The following FSTL1 variants were observed in gnomAD, a reference collection of about 807,000 sequenced individuals.
FSTL1 encodes the protein follistatin like 1.
Under a neutral mutation model 45.9 loss-of-function variants are expected in FSTL1, and 24 were observed. The ratio of observed to expected loss-of-function variants is 0.52; its 90% CI spans 0.38 to 0.74. The LOEUF (loss-of-function observed/expected upper bound fraction) is 0.74, where lower values mean the gene tolerates loss of function less well. Ranked by LOEUF, FSTL1 falls within the 30% of genes least tolerant of loss-of-function variation. The pLI is 0.00. For missense variants in FSTL1, 340 were observed against 381.8 expected (o/e 0.89, Z 0.91); for synonymous variants, 120 against 137.6 (o/e 0.87, Z 0.89).
rs761742257 is a variant in FSTL1 at position 120,396,975 on chromosome 3, T to C, written c.904A>G (p.Arg302Gly). ...KHQETAEKTK[R>G]VSTKEI The stretch of plus-strand genomic sequence containing the variant: ...CATTAGATCTCTTTGGTGCTCACTC[T>C]CTTGGTCTTTTCAGCTGTTTCCTTT... The change falls in exon 11 of 11, where the codon AGA becomes GGA. Residue 302 changes from arginine (R) to glycine (G), a missense_variant. Arg to Gly is a moderately radical substitution (Grantham distance 125). Coordinates refer to ENST00000295633, the MANE Select transcript of FSTL1 (RefSeq NM_007085.5). 2.5e-6 allele frequency: 4 copies of C among 1,612,180 alleles called. No homozygotes were observed. In the South Asian group the frequency reaches 3.3e-5, roughly 13 times the overall value.
chr3:120,409,710 C>A (rs1436408431), intron 5 of FSTL1, 48 bp from the exon 6 acceptor site: 1 of 1,599,348 alleles, frequency 6.3e-7, no homozygotes, highest in Non-Finnish European at 8.6e-7. Flanking sequence ...GGGAGGACCC[C>A]AGTGATATCT....
intron 10 of FSTL1, among the ~76,000 whole-genome samples, chr3:120,397,618 C>T (rs993395338): frequency 3.2e-4 from 48 of 152,236 alleles, no homozygotes; most frequent in African/African-American, 8.4e-4. Flanking sequence ...ATAACAAAAC[C>T]GTTGGTGAGT....
intron 9 of FSTL1, among the ~76,000 whole-genome samples, chr3:120,402,361 T>C (rs1258660185): frequency 6.6e-6 from 1 of 152,208 alleles, no homozygotes; most frequent in East Asian, 1.9e-4. Context: ...GAAGAGAGCC[T>C]GGCACATGGT....
In FSTL1 at chr3:120,395,570, T is replaced by G. The variant is rs768477261; in HGVS notation, c.*1382A>C. ...CTCTTCCTGCTTTACCCATGAGGACTCCATATCATAGCACGACCTGTAGGG... is the reference window on the plus strand; with the variant it reads ...CTCTTCCTGCTTTACCCATGAGGACGCCATATCATAGCACGACCTGTAGGG... On this transcript the variant is annotated 3_prime_UTR_variant, in exon 11 of 11. Transcript: ENST00000295633. 6.2e-6 allele frequency: 3 copies of G among 481,560 alleles called. No individual in the cohort carries two copies. Among genetic ancestry groups the G allele is most frequent in the Non-Finnish European group, 1.3e-5 (3 of 232,778 alleles). The allele number at this position is 481,560 out of a possible 1,614,324, so 29.8% of individuals were successfully genotyped here. A position where few individuals can be genotyped will look rare whatever the true frequency, so the allele number is the denominator to read the frequency against.
At chr3:120,449,005 C>G (rs1283393010) in intron 2 of FSTL1, among the ~76,000 whole-genome samples, 1 of 152,226 alleles carries the variant, frequency 6.6e-6, no homozygotes, top group African/African-American at 2.4e-5. Flanking sequence ...TGGTCTGCAA[C>G]TGCCTTTTGA....
chr3:120,409,689 G>A (rs368972992), intron 5 of FSTL1, 27 bp from the exon 6 acceptor site: 1 of 1,612,212 alleles, frequency 6.2e-7, no homozygotes, highest in Non-Finnish European at 8.5e-7. Context: ...GATGTCAGCT[G>A]GAGCAGTCAG....
chr3:120,424,751 G>A (rs1189928482), intron 2 of FSTL1, among the ~76,000 whole-genome samples: 1 of 152,148 alleles, frequency 6.6e-6, no homozygotes, highest in Non-Finnish European at 1.5e-5. Context: ...AGTCTGGGGG[G>A]CTGCCAGATC....
At chr3:120,415,682 T>C (rs1255801547) in intron 3 of FSTL1, 1 of 427,320 alleles carries the variant, frequency 2.3e-6, no homozygotes, top group African/African-American at 2.0e-5. Context: ...CTATTTGACT[T>C]ATATAAAACA....
chr3:120,398,946 G>T (rs536426400), intron 10 of FSTL1, among the ~76,000 whole-genome samples: 6 of 152,120 alleles, frequency 3.9e-5, no homozygotes, highest in African/African-American at 1.4e-4. Context: ...TTAAACAACC[G>T]ACATGAGATT....
Position 120,445,410 on chromosome 3 carries a change from G to A in FSTL1, c.63+5274C>T, listed in dbSNP as rs1432358455. On this transcript the variant is annotated intron_variant, in intron 2 of 10. Coordinates refer to ENST00000295633, the MANE Select transcript of FSTL1 (RefSeq NM_007085.5). ...ACCTGGGCTAGACACCAAGAGAAGA[G>A]ACAGATTAAAAGATAGCCATCTTTG... is the stretch of plus-strand genomic sequence containing the variant. Among the ~76,000 whole-genome samples, 6 of 149,434 alleles carry A rather than the reference G, an allele frequency of 4.0e-5. 1 individual carries two copies. Among genetic ancestry groups the A allele is most frequent in the African/African-American group, 1.5e-4 (6 of 38,854 alleles).
At chr3:120,431,388 A>C (rs1937475542) in intron 2 of FSTL1, among the ~76,000 whole-genome samples, 1 of 152,232 alleles carries the variant, frequency 6.6e-6, no homozygotes, top group Non-Finnish European at 1.5e-5. Context: ...TAATATGGAG[A>C]TATTTTAGAC....
intron 8 of FSTL1, 92 bp downstream of exon 8, chr3:120,403,150 T>A: frequency 1.2e-6 from 1 of 804,616 alleles, no homozygotes; most frequent in East Asian, 2.4e-5. Flanking sequence ...TTTTCTCAGC[T>A]AGCTCTGGAG....
intron 2 of FSTL1, among the ~76,000 whole-genome samples, chr3:120,435,274 C>T (rs1051670809): frequency 2.0e-5 from 3 of 152,182 alleles, no homozygotes; most frequent in Admixed American, 6.5e-5. Flanking sequence ...TCATATACAT[C>T]TGCAGTGTTC....
chr3:120,404,067 C>T (rs1208612451), intron 7 of FSTL1, among the ~76,000 whole-genome samples: 1 of 151,552 alleles, frequency 6.6e-6, no homozygotes, highest in Non-Finnish European at 1.5e-5. Flanking sequence ...TCACTTACTA[C>T]TCAAATGGAC....
Position 120,393,522 on chromosome 3 carries a change from G to C in FSTL1, c.*3430C>G, listed in dbSNP as rs1384236454. ...CATTAAGGTTATTTAGCCTGTCCCT[G>C]GCAATGATTCCATGTTCCCTGTACT... On this transcript the variant is annotated 3_prime_UTR_variant, in exon 11 of 11. Coordinates refer to ENST00000295633, the MANE Select transcript of FSTL1 (RefSeq NM_007085.5). 6.6e-6 allele frequency: 1 copy of C among 152,020 alleles called. No homozygotes were observed. The highest frequency in any genetic ancestry group is 1.5e-5 in the Non-Finnish European group (1 of 67,922). 9.4% of individuals were successfully genotyped at this position (152,020 alleles called of 1,614,324 possible). A position where few individuals can be genotyped will look rare whatever the true frequency, so the allele number is the denominator to read the frequency against.
intron 2 of FSTL1, among the ~76,000 whole-genome samples, chr3:120,449,018 G>A (rs1937820320): frequency 6.6e-6 from 1 of 152,212 alleles, no homozygotes; most frequent in South Asian, 2.1e-4. Flanking sequence ...CCTTTTGAGG[G>A]CCACAGCAGG....
Position 120,399,951 on chromosome 3 carries a change from G to T in FSTL1, c.814C>A (p.Gln272Lys). ...TCTGTCTGGGTCTGGGCCCCCTTCTGATTCTTTCCTGCAAGAAGAACCAAA... is the reference window on the plus strand; with the variant it reads ...TCTGTCTGGGTCTGGGCCCCCTTCTTATTCTTTCCTGCAAGAAGAACCAAA... ...CTAMTCDGKN[Q>K]KGAQTQTEEE... The change falls in exon 10 of 11, where the codon CAG (glutamine) becomes AAG (lysine). Residue 272 changes from glutamine (Q) to lysine (K), a missense_variant. Physicochemically the swap from Gln to Lys is moderately conservative, Grantham distance 53 (BLOSUM62 1). Transcript: ENST00000295633. 1 of 1,606,034 alleles carries T rather than the reference G, an allele frequency of 6.2e-7. No homozygotes were observed. The highest frequency in any genetic ancestry group is 8.5e-7 in the Non-Finnish European group (1 of 1,175,410).
chr3:120,396,708 T>C lies in FSTL1; in HGVS notation c.*244A>G. 1 of 493,414 alleles carries C rather than the reference T, an allele frequency of 2.0e-6. No individual in the cohort carries two copies. The highest frequency in any genetic ancestry group is 3.6e-6 in the Non-Finnish European group (1 of 278,342). The allele number at this position is 493,414 out of a possible 1,614,324, so 30.6% of individuals were successfully genotyped here. A position where few individuals can be genotyped will look rare whatever the true frequency, so the allele number is the denominator to read the frequency against. ...TCGTGATGCAGTTTCCTTACTAGCC[T>C]CCAGCCCCAGAGCACCATTTACAGT... is the stretch of plus-strand genomic sequence containing the variant. On this transcript the variant is annotated 3_prime_UTR_variant, in exon 11 of 11. Coordinates refer to ENST00000295633, the MANE Select transcript of FSTL1 (RefSeq NM_007085.5).
chr3:120,411,138 T>C (rs1937043010), intron 4 of FSTL1, 154 bp from the exon 5 acceptor site: 1 of 581,834 alleles, frequency 1.7e-6, no homozygotes, highest in African/African-American at 1.9e-5. Context: ...TTCCTTCTTC[T>C]AGGGCCCAGG....
Sources: allele counts gnomAD v4.1 joint callset (sites outside exome capture counted in the v4.1 genomes callset), GRCh38; gene constraint gnomAD v4.1.1; transcripts MANE v1.5; gene names NCBI Gene and HGNC (gene_info 2026-07-23, HGNC 2026-07-21).